The following RBM19 variants were observed in gnomAD, a reference collection of about 807,000 sequenced individuals.
RBM19 encodes RNA binding motif protein 19.
RBM19 carries 94 observed loss-of-function variants against 116.8 expected under a neutral mutation model. The ratio of observed to expected loss-of-function variants is 0.80; its 90% CI spans 0.68 to 0.95. The LOEUF (loss-of-function observed/expected upper bound fraction) is 0.95. RBM19 is among the 40% of genes least tolerant of loss of function. The probability of loss-of-function intolerance (pLI) is 0.00; values close to 1 mark genes in which losing one functional copy is unlikely to be tolerated. For missense variants in RBM19, 1,161 were observed against 1,220.7 expected (o/e 0.95, Z 0.73); for synonymous variants, 475 against 494.1 (o/e 0.96, Z 0.51).
intron 14 of RBM19, 138 bp downstream of exon 14, chr12:113,942,186 T>C (rs2290791): frequency 0.61 from 468,805 of 768,078 alleles, 145,935 homozygotes; most frequent in East Asian, 0.84. Flanking sequence ...ACATTTCTTC[T>C]TTTCTTTAGA....
At chr12:113,828,827 C>T (rs1421648719) in intron 23 of RBM19, among the ~76,000 whole-genome samples, 1 of 152,190 alleles carries the variant, frequency 6.6e-6, no homozygotes, top group Non-Finnish European at 1.5e-5. Flanking sequence ...TCATATCTTG[C>T]AGCCCCCACG....
chr12:113,883,779 C>T (rs149013002), intron 21 of RBM19, among the ~76,000 whole-genome samples: 11 of 152,368 alleles, frequency 7.2e-5, no homozygotes, highest in Non-Finnish European at 1.2e-4. Context: ...ACTCAATTGC[C>T]TGTCCACCAG....
At chr12:113,953,565 T>C (rs932944242) in intron 7 of RBM19, among the ~76,000 whole-genome samples, 4 of 152,312 alleles carry the variant, frequency 2.6e-5, no homozygotes, top group African/African-American at 7.2e-5. Context: ...TAATTTAAAA[T>C]ATAAATTAAC....
chr12:113,848,510 C>T (rs576279951), intron 22 of RBM19, among the ~76,000 whole-genome samples: 6 of 152,212 alleles, frequency 3.9e-5, no homozygotes, highest in East Asian at 1.9e-4. Context: ...AAGAGCATAA[C>T]GAGAGCTTGT....
In RBM19 at chr12:113,945,874, G is replaced by C; in HGVS notation, c.1580C>G (p.Ala527Gly). Residue 527 changes from alanine to glycine, a missense_variant, in exon 13 of 24, where the codon GCC becomes GGC. Ala to Gly is a moderately conservative substitution (Grantham distance 60). Coordinates refer to ENST00000261741, the MANE Select transcript of RBM19 (RefSeq NM_016196.4). ...GGTGGCGTTGTACTTCTGTGCGATG[G>C]CATCGGCCACGGCATTCGGCCCCAT... ...LFMGPNAVAD[A>G]IAQKYNATKS... is the part of the protein sequence containing the mutation. 1 of 1,594,288 alleles carries C rather than the reference G, an allele frequency of 6.3e-7. No homozygotes were observed. Among genetic ancestry groups the C allele is most frequent in the Non-Finnish European group, 8.6e-7 (1 of 1,161,976 alleles).
rs148488368 is a variant in RBM19, at chr12:113,908,003, C to T, written c.2558+6966G>A. 4.5e-3 allele frequency among the ~76,000 whole-genome samples: 681 copies of T among 152,250 alleles called. 6 individuals carry two copies. Among genetic ancestry groups the T allele is most frequent in the African/African-American group, 0.015 (624 of 41,540 alleles). ...CTGGGGAAGTGGATTTGGGAGGAGACGACCTGTGCAGAGGAGAGACACCTG... is the reference window on the plus strand; with the variant it reads ...CTGGGGAAGTGGATTTGGGAGGAGATGACCTGTGCAGAGGAGAGACACCTG... On this transcript the variant is annotated intron_variant, in intron 21 of 23. Coordinates refer to ENST00000261741, the MANE Select transcript of RBM19 (RefSeq NM_016196.4).
chr12:113,926,978 T>A, intron 17 of RBM19, 76 bp downstream of exon 17: 1 of 1,475,516 alleles, frequency 6.8e-7, no homozygotes, highest in South Asian at 1.3e-5. Context: ...CAGGGCAGAA[T>A]AAATGCAGTG....
At chr12:113,819,173 GC>G (rs1365859034), downstream of RBM19, among the ~76,000 whole-genome samples, 1 of 152,188 alleles carries the variant, frequency 6.6e-6, no homozygotes, top group Non-Finnish European at 1.5e-5. Context: ...GTTCCAGCCA[GC>G]CCTCCACTCT....
intron 22 of RBM19, among the ~76,000 whole-genome samples, chr12:113,852,241 A>G (rs1877517800): frequency 6.6e-6 from 1 of 151,984 alleles, no homozygotes; most frequent in African/African-American, 2.4e-5. Context: ...AGCTCCAGGG[A>G]CACAATTAGC....
At chr12:113,874,484 G>A (rs1325841910) in intron 21 of RBM19, among the ~76,000 whole-genome samples, 1 of 152,210 alleles carries the variant, frequency 6.6e-6, no homozygotes, top group East Asian at 1.9e-4. Context: ...AGGCCTCCCA[G>A]GACGCATGTG....
chr12:113,864,544 G>C (rs1320883905), intron 21 of RBM19, among the ~76,000 whole-genome samples: 1 of 152,184 alleles, frequency 6.6e-6, no homozygotes. Flanking sequence ...TAAGATGGCA[G>C]CTGCCTTGCA....
At chr12:113,829,460 C>T (rs1875176326) in intron 23 of RBM19, among the ~76,000 whole-genome samples, 1 of 152,244 alleles carries the variant, frequency 6.6e-6, no homozygotes, top group Admixed American at 6.5e-5. Context: ...GGGGACGGTG[C>T]CTGCTCTGCT....
chr12:113,892,525 T>TCATA (rs1177902309), intron 21 of RBM19, among the ~76,000 whole-genome samples: 2 of 152,202 alleles, frequency 1.3e-5, no homozygotes, highest in Non-Finnish European at 2.9e-5. Flanking sequence ...AGGGTAAGAT[T>TCATA]CAAAAGAGTT....
chr12:113,897,319 C>T (rs1881406861), intron 21 of RBM19, among the ~76,000 whole-genome samples: 1 of 152,244 alleles, frequency 6.6e-6, no homozygotes, highest in South Asian at 2.1e-4. Context: ...GCGCCCACCA[C>T]CATACCCAGC....
At chr12:113,843,264 G>T (rs769274636) in intron 23 of RBM19, among the ~76,000 whole-genome samples, 2 of 152,184 alleles carry the variant, frequency 1.3e-5, no homozygotes, top group African/African-American at 4.8e-5. Flanking sequence ...TGGGGTTGGG[G>T]GATGCTGGCA....
At chr12:113,865,920 G>A (rs1878770154) in intron 21 of RBM19, among the ~76,000 whole-genome samples, 1 of 152,180 alleles carries the variant, frequency 6.6e-6, no homozygotes, top group Admixed American at 6.5e-5. Context: ...TGCTTGGTGG[G>A]AACGAGAAGA....
rs1476604650 is a variant in RBM19, at chr12:113,869,140, CA to C, written c.2559-10245del. 2.0e-5 allele frequency among the ~76,000 whole-genome samples: 3 copies of C among 152,214 alleles called. No homozygotes were observed. In the East Asian group the frequency reaches 5.8e-4, roughly 29 times the overall value. On this transcript the variant is annotated intron_variant, in intron 21 of 23. Transcript: ENST00000261741. ...CCTAAGCCCTTATGGTATTTTGGGTCAAAGCGAGGAACTGGCTGAGAGTCCG... is the reference window on the plus strand; with the variant it reads ...CCTAAGCCCTTATGGTATTTTGGGTCAAGCGAGGAACTGGCTGAGAGTCCG...
At chr12:113,892,708 G>A (rs938525222) in intron 21 of RBM19, among the ~76,000 whole-genome samples, 1 of 152,164 alleles carries the variant, frequency 6.6e-6, no homozygotes, top group East Asian at 1.9e-4. Context: ...CACTCAAAAG[G>A]TTTATTAAAA....
At chr12:113,833,998 G>A (rs78160910) in intron 23 of RBM19, among the ~76,000 whole-genome samples, 7 of 152,186 alleles carry the variant, frequency 4.6e-5, no homozygotes, top group Middle Eastern at 3.4e-3. Context: ...CTCCTGCCTC[G>A]GCGTCTCAAA....
Sources: allele counts gnomAD v4.1 joint callset (sites outside exome capture counted in the v4.1 genomes callset), GRCh38; gene constraint gnomAD v4.1.1; transcripts MANE v1.5; gene names NCBI Gene and HGNC (gene_info 2026-07-23, HGNC 2026-07-21).